FHIT: variants seen among roughly 807,000 people sequenced by gnomAD.
The protein encoded by FHIT is fragile histidine triad diadenosine triphosphatase.
FHIT carries 19 observed loss-of-function variants against 17.9 expected under a neutral mutation model. The observed-to-expected ratio is 1.06, with a 90% CI of 0.74 to 1.56. FHIT has a LOEUF of 1.56. FHIT is among the 40% of genes most tolerant of loss of function. The pLI is 0.00. For missense variants in FHIT, 248 were observed against 189.2 expected (o/e 1.31, Z -1.82); for synonymous variants, 81 against 69.7 (o/e 1.16, Z -0.81).
At chr3:60,047,588 G>C (rs755702929) in intron 5 of FHIT, among the ~76,000 whole-genome samples, 2 of 152,174 alleles carry the variant, frequency 1.3e-5, no homozygotes, top group Non-Finnish European at 2.9e-5. Flanking sequence ...AGGTCACCCT[G>C]GTTCCTCAGG....
chr3:59,816,532 T>G (rs1306134810), intron 8 of FHIT, among the ~76,000 whole-genome samples: 1 of 152,104 alleles, frequency 6.6e-6, no homozygotes, highest in East Asian at 1.9e-4. Flanking sequence ...TCATTACTAG[T>G]GGGAATGAGA....
chr3:60,244,181 C>T (rs1705273810), intron 5 of FHIT, among the ~76,000 whole-genome samples: 1 of 152,016 alleles, frequency 6.6e-6, no homozygotes, highest in East Asian at 1.9e-4. Flanking sequence ...GACAAATTTT[C>T]AACTGTTCAT....
intron 3 of FHIT, among the ~76,000 whole-genome samples, chr3:60,927,001 GC>G (rs1707656799): frequency 6.6e-6 from 1 of 151,914 alleles, no homozygotes; most frequent in South Asian, 2.1e-4. Context: ...TTTCCACGGT[GC>G]CCCCCTCCCT....
intron 8 of FHIT, among the ~76,000 whole-genome samples, chr3:59,850,565 C>T (rs1701893956): frequency 6.6e-6 from 1 of 152,144 alleles, no homozygotes; most frequent in Admixed American, 6.5e-5. Context: ...AAAGGTCAAG[C>T]TATTAGAGTT....
chr3:61,108,285 G>A (rs1483440386), intron 2 of FHIT, among the ~76,000 whole-genome samples: 1 of 152,092 alleles, frequency 6.6e-6, no homozygotes, highest in Non-Finnish European at 1.5e-5. Flanking sequence ...AAAAAAAAGT[G>A]CTGCTACCTT....
intron 5 of FHIT, among the ~76,000 whole-genome samples, chr3:60,177,579 C>T (rs868023673): frequency 3.3e-5 from 5 of 152,170 alleles, no homozygotes; most frequent in Non-Finnish European, 5.9e-5. Context: ...TTTTGTAATA[C>T]ACCATGGAGA....
At chr3:60,144,299 G>A (rs927403884) in intron 5 of FHIT, among the ~76,000 whole-genome samples, 3 of 152,154 alleles carry the variant, frequency 2.0e-5, no homozygotes, top group Non-Finnish European at 4.4e-5. Flanking sequence ...TGATATGGAT[G>A]GTGCTAGTCA....
chr3:61,100,862 T>C (rs1321531220), intron 2 of FHIT, among the ~76,000 whole-genome samples: 2 of 152,238 alleles, frequency 1.3e-5, no homozygotes, highest in Non-Finnish European at 2.9e-5. Flanking sequence ...TGTCTTCTTT[T>C]GAGAAGTGTC....
chr3:60,051,964 A>G (rs1701898073), intron 5 of FHIT, among the ~76,000 whole-genome samples: 1 of 152,156 alleles, frequency 6.6e-6, no homozygotes, highest in African/African-American at 2.4e-5. Context: ...TACAGACCCA[A>G]TTTGGCAGCA....
At chr3:60,226,814 G>T (rs183585454) in intron 5 of FHIT, among the ~76,000 whole-genome samples, 50 of 152,268 alleles carry the variant, frequency 3.3e-4, no homozygotes, top group Admixed American at 5.9e-4. Flanking sequence ...GCATCTATCT[G>T]TGGACACTGA....
chr3:60,652,945 A>AAACAG lies in FHIT; in HGVS notation c.-17-115967_-17-115966insCTGTT, dbSNP rs1559615833. 8.6e-5 allele frequency among the ~76,000 whole-genome samples: 13 copies of AAACAG among 150,780 alleles called. No individual in the cohort carries two copies. In the East Asian group the frequency reaches 2.4e-3, roughly 28 times the overall value. ...AAACAAAACAAAACAAAACAAAACAAAACAAAACAAAACCTTACTCTAGCA... is the reference window on the plus strand; with the variant it reads ...AAACAAAACAAAACAAAACAAAACAAAACAGAACAAAACAAAACCTTACTCTAGCA... On this transcript the variant is annotated intron_variant, in intron 4 of 9. Coordinates refer to ENST00000492590, the MANE Select transcript of FHIT (RefSeq NM_002012.4).
intron 1 of FHIT, among the ~76,000 whole-genome samples, chr3:61,243,245 C>A (rs900459129): frequency 6.6e-6 from 1 of 152,124 alleles, no homozygotes; most frequent in Non-Finnish European, 1.5e-5. Flanking sequence ...CAGACCTAAC[C>A]ACCTCTTTAG....
intron 5 of FHIT, among the ~76,000 whole-genome samples, chr3:60,431,506 C>A (rs1346534987): frequency 6.6e-6 from 1 of 152,050 alleles, no homozygotes; most frequent in Non-Finnish European, 1.5e-5. Flanking sequence ...CTCCCCACCT[C>A]CCACACATAC....
chr3:60,852,166 A>T (rs1318269069), intron 3 of FHIT, among the ~76,000 whole-genome samples: 1 of 151,932 alleles, frequency 6.6e-6, no homozygotes, highest in Admixed American at 6.6e-5. Context: ...GAAAGAGGAA[A>T]CTCCTCTTAC....
intron 5 of FHIT, among the ~76,000 whole-genome samples, chr3:60,526,500 T>C (rs1200567330): frequency 2.6e-5 from 4 of 152,124 alleles, no homozygotes; most frequent in Non-Finnish European, 5.9e-5. Context: ...TTGGTGCTTC[T>C]GGGCTTCTTC....
chr3:60,577,340 G>A (rs1261629586), intron 4 of FHIT, among the ~76,000 whole-genome samples: 8 of 152,172 alleles, frequency 5.3e-5, no homozygotes, highest in Middle Eastern at 3.4e-3. Context: ...CCTTAATTTA[G>A]CCCCTTACAT....
chr3:60,048,180 T>C (rs1701727851), intron 5 of FHIT, among the ~76,000 whole-genome samples: 1 of 152,122 alleles, frequency 6.6e-6, no homozygotes, highest in Non-Finnish European at 1.5e-5. Flanking sequence ...CTCTCTTTCT[T>C]TGTTTTCTTC....
intron 7 of FHIT, among the ~76,000 whole-genome samples, chr3:59,925,080 T>G (rs959463376): frequency 2.0e-5 from 3 of 151,754 alleles, no homozygotes; most frequent in African/African-American, 7.3e-5. Context: ...CTTCTTTCCC[T>G]CCTTCCTATT....
At chr3:60,560,259 A>G (rs1385517974) in intron 4 of FHIT, among the ~76,000 whole-genome samples, 2 of 152,168 alleles carry the variant, frequency 1.3e-5, no homozygotes, top group Non-Finnish European at 2.9e-5. Flanking sequence ...TATTATTTAC[A>G]GTGCCTGGGA....
Sources: gnomAD v4.1 joint callset for allele counts (sites outside exome capture counted in the v4.1 genomes callset) on GRCh38, gnomAD v4.1.1 for gene constraint, MANE v1.5 for transcripts, NCBI Gene and HGNC (gene_info 2026-07-23, HGNC 2026-07-21) for gene names.